Variants in ANGPTL7 observed in about 807,000 individuals in gnomAD.
The protein encoded by ANGPTL7 is angiopoietin-related protein 7.
ANGPTL7 carries 37 observed loss-of-function variants against 38.8 expected under a neutral mutation model. The ratio of observed to expected loss-of-function variants is 0.95; its 90% CI spans 0.73 to 1.25. The LOEUF is 1.25. ANGPTL7 is among the 50% of genes most tolerant of loss of function. The pLI, the probability that ANGPTL7 is intolerant of heterozygous loss-of-function variation, is 0.00. For missense variants in ANGPTL7, 427 were observed against 438.6 expected (o/e 0.97, Z 0.24); for synonymous variants, 166 against 163.2 (o/e 1.02, Z -0.13).
At chr1:11,190,986 C>G (rs570037905) in intron 1 of ANGPTL7, among the ~76,000 whole-genome samples, 1 of 152,312 alleles carries the variant, frequency 6.6e-6, no homozygotes, top group East Asian at 1.9e-4. Context: ...GCATGGACTT[C>G]CGGGCCCTCA....
At chr1:11,193,323 A>G (rs2100718334) in intron 2 of ANGPTL7, among the ~76,000 whole-genome samples, 1 of 151,054 alleles carries the variant, frequency 6.6e-6, no homozygotes, top group East Asian at 2.0e-4. Context: ...AAAAAAAAAA[A>G]GTATCTGGAT....
Position 11,189,540 on chromosome 1 carries a change from C to A in ANGPTL7, c.-40C>A, listed in dbSNP as rs1171925091. ...GACCTCAGCTGGGCATCTCCAGACT[C>A]CCCTGAAGGAAGAGCCTTCCTCACC... On this transcript the variant is annotated 5_prime_UTR_variant, in exon 1 of 5. Coordinates refer to ENST00000376819, the MANE Select transcript of ANGPTL7 (RefSeq NM_021146.4). The A allele has an allele frequency of 1.3e-6, 2 of 1,554,284 alleles. No homozygotes were observed. Among genetic ancestry groups the A allele is most frequent in the Non-Finnish European group, 1.7e-6 (2 of 1,153,378 alleles).
chr1:11,190,718 G>A (rs773462991), intron 1 of ANGPTL7, among the ~76,000 whole-genome samples: 33 of 152,138 alleles, frequency 2.2e-4, no homozygotes, highest in Non-Finnish European at 4.0e-4. Flanking sequence ...ATGAATTTAC[G>A]GTTTAGAGAT....
In ANGPTL7 at chr1:11,194,869, A is replaced by G. The variant is rs768356952; in HGVS notation, c.887A>G (p.Asn296Ser). The stretch of plus-strand genomic sequence containing the variant: ...CTCATGCCAGGTGGCTACTGGTACA[A>G]CTGCTGCACAGACTCCAACCTCAAT... ...AQLRKGGYWY[N>S]CCTDSNLNGV... Residue 296 changes from asparagine (N) to serine (S), a missense_variant, in exon 5 of 5, where the codon AAC becomes AGC. Transcript: ENST00000376819. 1 of 1,614,048 alleles carries G rather than the reference A, an allele frequency of 6.2e-7. No homozygotes were observed. The highest frequency in any genetic ancestry group is 8.5e-7 in the Non-Finnish European group (1 of 1,179,984).
chr1:11,192,231 T>C (rs747950197), intron 1 of ANGPTL7, 39 bp from the exon 2 acceptor site: 27 of 1,454,092 alleles, frequency 1.9e-5, no homozygotes, highest in Admixed American at 1.3e-4. Flanking sequence ...ATGGAGCCAC[T>C]GGGTCTAAAT....
Position 11,189,583 on chromosome 1 carries a change from C to G in ANGPTL7, c.4C>G (p.Leu2Val), listed in dbSNP as rs572115914. 35 of 1,595,812 alleles carry G rather than the reference C, an allele frequency of 2.2e-5. No individual in the cohort carries two copies. In the East Asian group the frequency reaches 7.8e-4, roughly 36 times the overall value. Residue 2 changes from leucine to valine, a missense_variant, in exon 1 of 5, where the codon CTG (leucine) becomes GTG (valine). By Grantham distance (32) the Leu-to-Val change is conservative (BLOSUM62 1). Coordinates refer to ENST00000376819, the MANE Select transcript of ANGPTL7 (RefSeq NM_021146.4). Reference protein sequence around the residue: MLKKPLSAVTWL... With the variant: MVKKPLSAVTWL... Reference sequence around the variant, plus strand: ...TCCTCACCCAAACCCACAAAAGATGCTGAAAAAGCCTCTCTCAGCTGTGAC... The same window carrying G: ...TCCTCACCCAAACCCACAAAAGATGGTGAAAAAGCCTCTCTCAGCTGTGAC...
intron 3 of ANGPTL7, 90 bp downstream of exon 3, chr1:11,193,864 C>A (rs1354047573): frequency 2.1e-5 from 27 of 1,265,478 alleles, no homozygotes. Context: ...TATTCTGATT[C>A]AAGACAAATC....
Position 11,193,465 on chromosome 1 carries a change from G to A in ANGPTL7, c.478-115G>A, listed in dbSNP as rs551139738. ...TGCCCGAGTGAGCCAGTGTGACTGC[G>A]GGAGTGCACACATCTACTGGCTCTG... On this transcript the variant is annotated intron_variant, in intron 2 of 4. Coordinates refer to ENST00000376819, the MANE Select transcript of ANGPTL7 (RefSeq NM_021146.4). 43 of 881,312 alleles carry A rather than the reference G, an allele frequency of 4.9e-5. No homozygotes were observed. In the South Asian group the frequency reaches 6.1e-4, roughly 12 times the overall value. The allele number at this position is 881,312 out of a possible 1,614,324, so 54.6% of individuals were successfully genotyped here.
intron 3 of ANGPTL7, 33 bp downstream of exon 3, chr1:11,193,807 C>T (rs1645659628): frequency 6.2e-7 from 1 of 1,608,466 alleles, no homozygotes. Context: ...CATGACTGGA[C>T]CAGTGCCACC....
rs1645436693 is a variant in ANGPTL7 at position 11,189,466 on chromosome 1, G to T, written c.-114G>T. Reference sequence around the variant, plus strand: ...AGAGAGAAAACAACAAAGTGGCGAGGCCCTCAGAGTGAAAGCGTAAGGTTC... The same window carrying T: ...AGAGAGAAAACAACAAAGTGGCGAGTCCCTCAGAGTGAAAGCGTAAGGTTC... On this transcript the variant is annotated 5_prime_UTR_variant, in exon 1 of 5. Coordinates refer to ENST00000376819, the MANE Select transcript of ANGPTL7 (RefSeq NM_021146.4). 8.0e-7 allele frequency: 1 copy of T among 1,244,670 alleles called. No homozygotes were observed. The highest frequency in any genetic ancestry group is 1.1e-6 in the Non-Finnish European group (1 of 900,988). The allele number at this position is 1,244,670 out of a possible 1,614,324, so 77.1% of individuals were successfully genotyped here. A position where few individuals can be genotyped will look rare whatever the true frequency, so the allele number is the denominator to read the frequency against.
intron 2 of ANGPTL7, among the ~76,000 whole-genome samples, chr1:11,193,061 C>T (rs1422281154): frequency 1.3e-5 from 2 of 152,016 alleles, no homozygotes. Flanking sequence ...ACCTGTAATC[C>T]CAAGTTTTTT....
chr1:11,194,903 C>CT lies in ANGPTL7; in HGVS notation c.922dup (p.Tyr308LeufsTer5), dbSNP rs778275383. 4 of 1,614,190 alleles carry CT rather than the reference C, an allele frequency of 2.5e-6. No individual in the cohort carries two copies. The highest frequency in any genetic ancestry group is 3.4e-6 in the Non-Finnish European group (4 of 1,180,020). On this transcript the variant is annotated frameshift_variant, in exon 5 of 5. Transcript: ENST00000376819. LOFTEE classifies it high-confidence loss of function. ...CAGACTCCAACCTCAATGGAGTGTA[C>CT]TACCGCCTGGGTGAGCACAATAAGC...
chr1:11,192,261 C>A lies in ANGPTL7; in HGVS notation c.377-9C>A. ...CTAAATGCTCACCCTGTGGTTTGTT[C>A]TCTTGTAGATGCCATCTACGACTGC... On this transcript the variant is annotated splice_polypyrimidine_tract_variant and intron_variant, in intron 1 of 4. Transcript: ENST00000376819. The A allele has an allele frequency of 6.2e-7, 1 of 1,605,060 alleles. No individual in the cohort carries two copies. The highest frequency in any genetic ancestry group is 1.1e-5 in the South Asian group (1 of 90,844).
chr1:11,191,911 T>A (rs1486059656), intron 1 of ANGPTL7, among the ~76,000 whole-genome samples: 2 of 152,358 alleles, frequency 1.3e-5, no homozygotes, highest in East Asian at 1.9e-4. Context: ...CTAAGAAGTC[T>A]GAATCTATCT....
rs141187277 is a variant in ANGPTL7 at position 11,189,746 on chromosome 1, T to G, written c.167T>G (p.Val56Gly). The G allele has an allele frequency of 1.2e-6, 2 of 1,614,126 alleles. No homozygotes were observed. Among genetic ancestry groups the G allele is most frequent in the Admixed American group, 1.7e-5 (1 of 60,024 alleles). ...CEEVKELKAQ[V>G]ANLSSLLSEL... The stretch of plus-strand genomic sequence containing the variant: ...GAGGTGAAGGAGCTCAAGGCCCAAG[T>G]TGCCAACCTTAGCAGCCTGCTGAGT... The change falls in exon 1 of 5, where the codon GTT becomes GGT. Residue 56 changes from valine (V) to glycine (G), a missense_variant. Val to Gly is a moderately radical substitution (Grantham distance 109). Transcript: ENST00000376819.
rs567905477 is a variant in ANGPTL7 at position 11,194,791 on chromosome 1, C to T, written c.872-63C>T. On this transcript the variant is annotated intron_variant, in intron 4 of 4. Coordinates refer to ENST00000376819, the MANE Select transcript of ANGPTL7 (RefSeq NM_021146.4). ...ATTCTTTCTGACCCTGGCTCTAACTCCTTACCTGATGTCTGGTCTATCACA... is the reference window on the plus strand; with the variant it reads ...ATTCTTTCTGACCCTGGCTCTAACTTCTTACCTGATGTCTGGTCTATCACA... 42 of 1,603,302 alleles carry T rather than the reference C, an allele frequency of 2.6e-5. No individual in the cohort carries two copies. The African/African-American group carries it at 4.1e-4, about 16-fold the overall frequency.
chr1:11,193,455 G>A (rs1645630982), intron 2 of ANGPTL7, 125 bp from the exon 3 acceptor site: 2 of 815,236 alleles, frequency 2.5e-6, no homozygotes, highest in Non-Finnish European at 3.7e-6. Context: ...GAGTGAGCCA[G>A]TGTGACTGCG....
In ANGPTL7 at chr1:11,195,890, A is replaced by C. The variant is rs1250244789; in HGVS notation, c.*867A>C. The stretch of plus-strand genomic sequence containing the variant: ...TAGTTAATAATAAATGCTGTAAATA[A>C]GCATCTCACTTTGTAAAAATAAAAT... On this transcript the variant is annotated 3_prime_UTR_variant, in exon 5 of 5. Transcript: ENST00000376819. 6.6e-6 allele frequency: 1 copy of C among 152,284 alleles called. No individual in the cohort carries two copies. Among genetic ancestry groups the C allele is most frequent in the Non-Finnish European group, 1.5e-5 (1 of 68,044 alleles). The allele number at this position is 152,284 out of a possible 1,614,324, so 9.4% of individuals were successfully genotyped here.
Position 11,194,953 on chromosome 1 carries a change from G to A in ANGPTL7, c.971G>A (p.Gly324Asp). Residue 324 changes from glycine to aspartate, a missense_variant, in exon 5 of 5, where the codon GGC (glycine) becomes GAC (aspartate). Physicochemically the swap from Gly to Asp is moderately conservative, Grantham distance 94 (BLOSUM62 -1). Coordinates refer to ENST00000376819, the MANE Select transcript of ANGPTL7 (RefSeq NM_021146.4). The part of the protein sequence containing the change: ...NKHLDGITWY[G>D]WHGSTYSLKR... ...CACCTGGATGGCATCACCTGGTATGGCTGGCATGGATCTACCTACTCCCTC... is the reference window on the plus strand; with the variant it reads ...CACCTGGATGGCATCACCTGGTATGACTGGCATGGATCTACCTACTCCCTC... The A allele has an allele frequency of 6.2e-7, 1 of 1,614,104 alleles. No homozygotes were observed. The highest frequency in any genetic ancestry group is 1.3e-5 in the African/African-American group (1 of 75,026).
Sources: gnomAD v4.1 joint callset for allele counts (sites outside exome capture counted in the v4.1 genomes callset) on GRCh38, gnomAD v4.1.1 for gene constraint, MANE v1.5 for transcripts, NCBI Gene and HGNC (gene_info 2026-07-23, HGNC 2026-07-21) for gene names.